Variants in VASH1 observed in about 807,000 individuals in gnomAD.
The protein encoded by VASH1 is tubulinyl-Tyr carboxypeptidase 1.
In VASH1, 16 loss-of-function variants were observed where a neutral mutation model predicts 35.0. The observed-to-expected ratio is 0.46, with a 90% CI of 0.31 to 0.70. The LOEUF (loss-of-function observed/expected upper bound fraction) is 0.70. Ranked by LOEUF, VASH1 falls within the 30% of genes least tolerant of loss-of-function variation. The pLI is 0.05. For synonymous variants in VASH1, 214 were observed against 200.9 expected (o/e 1.07, Z -0.55); for missense variants, 505 against 510.7 (o/e 0.99, Z 0.11).
chr14:76,770,804 A>G (rs1191423110), intron 2 of VASH1, among the ~76,000 whole-genome samples: 1 of 152,190 alleles, frequency 6.6e-6, no homozygotes, highest in African/African-American at 2.4e-5. Flanking sequence ...TGGTCCAGTG[A>G]GGCAGGTGGC....
chr14:76,762,988 G>T lies in VASH1; in HGVS notation c.167G>T (p.Gly56Val). The T allele has an allele frequency of 6.4e-7, 1 of 1,550,810 alleles. No homozygotes were observed. Among genetic ancestry groups the T allele is most frequent in the African/African-American group, 1.4e-5 (1 of 73,464 alleles). ...GAAGGGGAAGAGGACCTGCGAGACGGAGGCGTCCCCTTCTTTGTCAACCGG... is the reference window on the plus strand; with the variant it reads ...GAAGGGGAAGAGGACCTGCGAGACGTAGGCGTCCCCTTCTTTGTCAACCGG... ...EEEGEEDLRD[G>V]GVPFFVNRGG... The change falls in exon 1 of 7, where the codon GGA becomes GTA. Residue 56 changes from glycine to valine, a missense_variant. Coordinates refer to ENST00000167106, the MANE Select transcript of VASH1 (RefSeq NM_014909.5).
intron 1 of VASH1, among the ~76,000 whole-genome samples, chr14:76,767,232 GA>G (rs1393527512): frequency 6.9e-6 from 1 of 145,500 alleles, no homozygotes; most frequent in Non-Finnish European, 1.5e-5. Context: ...GCGACAGGGT[GA>G]AACTCTGTCT....
chr14:76,778,162 C>G, intron 6 of VASH1, 91 bp downstream of exon 6: 1 of 958,194 alleles, frequency 1.0e-6, no homozygotes, highest in Non-Finnish European at 1.4e-6. Flanking sequence ...TATCTCTCTC[C>G]CACCCTTCTC....
intron 1 of VASH1, among the ~76,000 whole-genome samples, chr14:76,768,040 G>A (rs1293251215): frequency 1.3e-5 from 2 of 152,210 alleles, no homozygotes; most frequent in Non-Finnish European, 2.9e-5. Flanking sequence ...GCTCCTCAAG[G>A]TCACTGGATC....
intron 3 of VASH1, among the ~76,000 whole-genome samples, chr14:76,772,213 C>G (rs1478409719): frequency 6.6e-6 from 1 of 152,128 alleles, no homozygotes; most frequent in African/African-American, 2.4e-5. Flanking sequence ...GCACTCCAGC[C>G]TGGGTGACAG....
At chr14:76,773,102 C>G in intron 3 of VASH1, 35 bp from the exon 4 acceptor site, 1 of 1,607,060 alleles carries the variant, frequency 6.2e-7, no homozygotes, top group Middle Eastern at 1.7e-4. Context: ...GGGCTGGAGG[C>G]GCTGTCCTTA....
chr14:76,774,109 G>T (rs1394405548), intron 4 of VASH1, among the ~76,000 whole-genome samples: 1 of 152,184 alleles, frequency 6.6e-6, no homozygotes, highest in Non-Finnish European at 1.5e-5. Context: ...CGGGGAGGGG[G>T]TCTGATGGAA....
Position 76,762,965 on chromosome 14 carries a change from A to C in VASH1, c.144A>C (p.Glu48Asp), listed in dbSNP as rs1213847618. 2 of 1,557,798 alleles carry C rather than the reference A, an allele frequency of 1.3e-6. No individual in the cohort carries two copies. Among genetic ancestry groups the C allele is most frequent in the Admixed American group, 3.9e-5 (2 of 50,968 alleles). The change falls in exon 1 of 7, where the codon GAA becomes GAC. Residue 48 changes from glutamate to aspartate, a missense_variant. Glu to Asp is a conservative substitution (Grantham distance 45). Transcript: ENST00000167106. Reference protein sequence around the residue: ...SAQRDEEPEEEGEEDLRDGGV... With the variant: ...SAQRDEEPEEDGEEDLRDGGV... ...AGAGAGATGAGGAGCCAGAAGAGGAAGGGGAAGAGGACCTGCGAGACGGAG... is the reference window on the plus strand; with the variant it reads ...AGAGAGATGAGGAGCCAGAAGAGGACGGGGAAGAGGACCTGCGAGACGGAG...
rs11334805 is a variant in VASH1, at chr14:76,773,635, T to TAAA, written c.530+436_530+438dup. 407 of 174,380 alleles carry TAAA rather than the reference T, an allele frequency of 2.3e-3. 1 individual carries two copies. The highest frequency in any genetic ancestry group is 9.6e-3 in the African/African-American group (390 of 40,642). The allele number at this position is 174,380 out of a possible 1,614,324, so 10.8% of individuals were successfully genotyped here. On this transcript the variant is annotated intron_variant, in intron 4 of 6. Transcript: ENST00000167106. ...ACGAGATATTAAAGCAAAACTGCCT[T>TAAA]AAAAAAAAAAAAAACCACAAACAAG... is the stretch of plus-strand genomic sequence containing the variant.
Position 76,778,021 on chromosome 14 carries a change from G to A in VASH1, c.975G>A (p.Pro325=), listed in dbSNP as rs181207818. The A allele has an allele frequency of 5.4e-5, 84 of 1,542,788 alleles. No individual in the cohort carries two copies. The highest frequency in any genetic ancestry group is 6.9e-5 in the African/African-American group (5 of 71,952). The part of the protein sequence containing the change: ...TKDRKKDVSS[P]QRAQSSPHRR... ...ACCGGAAGAAGGATGTTTCTTCCCC[G>A]CAGCGGGCCCAGTCCAGCCCCCACC... is the stretch of plus-strand genomic sequence containing the variant. The change falls in exon 6 of 7, where the codon CCG becomes CCA. Residue 325 remains proline (P), a synonymous_variant. Transcript: ENST00000167106.
At chr14:76,773,605 T>G (rs1185648294) in intron 4 of VASH1, 5 of 332,082 alleles carry the variant, frequency 1.5e-5, no homozygotes, top group African/African-American at 1.1e-4. Flanking sequence ...CATGTTGATT[T>G]CTGGACGAGA....
At chr14:76,767,109 G>C (rs1346773563) in intron 1 of VASH1, among the ~76,000 whole-genome samples, 1 of 152,032 alleles carries the variant, frequency 6.6e-6, no homozygotes, top group Non-Finnish European at 1.5e-5. Context: ...GCTGGATGTG[G>C]TGGTGCATGC....
Position 76,778,970 on chromosome 14 carries a change from C to T in VASH1, c.1050C>T (p.Ser350=), listed in dbSNP as rs775375911. 16 of 1,614,186 alleles carry T rather than the reference C, an allele frequency of 9.9e-6. No individual in the cohort carries two copies. In the East Asian group the frequency reaches 1.8e-4, roughly 18 times the overall value. ...GGCCCTCGGGTGACAAGAAGACTTCCGAGCCCAAAGCCATGCCAGACCTTA... is the reference window on the plus strand; with the variant it reads ...GGCCCTCGGGTGACAAGAAGACTTCTGAGCCCAAAGCCATGCCAGACCTTA... ...ERRPSGDKKT[S]EPKAMPDLNG... The change falls in exon 7 of 7, where the codon TCC becomes TCT. Residue 350 remains serine (S), a synonymous_variant. Coordinates refer to ENST00000167106, the MANE Select transcript of VASH1 (RefSeq NM_014909.5).
At position 76,779,846 on chromosome 14, in the gene VASH1, C is replaced by T. The variant is rs1255538718; in HGVS notation, c.*828C>T. On this transcript the variant is annotated 3_prime_UTR_variant, in exon 7 of 7. Transcript: ENST00000167106. ...CAGAATGGCACTGAGGCCAGCATGG[C>T]TGTGGGAGTTGAGCAAACCCTGGGT... 1.3e-5 allele frequency: 5 copies of T among 373,290 alleles called. No individual in the cohort carries two copies. Among genetic ancestry groups the T allele is most frequent in the Non-Finnish European group, 2.4e-5 (5 of 207,944 alleles). 23.1% of individuals were successfully genotyped at this position (373,290 alleles called of 1,614,324 possible). A position where few individuals can be genotyped will look rare whatever the true frequency, so the allele number is the denominator to read the frequency against.
In VASH1 at chr14:76,782,278, C is replaced by T. The variant is rs1894132657; in HGVS notation, c.*3260C>T. 6.6e-6 allele frequency: 1 copy of T among 152,338 alleles called. No homozygotes were observed. Among genetic ancestry groups the T allele is most frequent in the African/African-American group, 2.4e-5 (1 of 41,450 alleles). 9.4% of individuals were successfully genotyped at this position (152,338 alleles called of 1,614,324 possible). A position where few individuals can be genotyped will look rare whatever the true frequency, so the allele number is the denominator to read the frequency against. ...GGGCCAAGATGGGGACAGCAGCAGC[C>T]CTCTGGCCTTGGGATGTGATGATAA... On this transcript the variant is annotated 3_prime_UTR_variant, in exon 7 of 7. Transcript: ENST00000167106.
At chr14:76,767,772 G>T (rs1456555174) in intron 1 of VASH1, among the ~76,000 whole-genome samples, 1 of 152,238 alleles carries the variant, frequency 6.6e-6, no homozygotes, top group Non-Finnish European at 1.5e-5. Context: ...CTGCAGTGGG[G>T]TGACATGAGT....
intron 1 of VASH1, chr14:76,769,445 G>A: frequency 2.3e-6 from 3 of 1,289,128 alleles, no homozygotes; most frequent in Non-Finnish European, 3.0e-6. Context: ...TGCTCTGGAA[G>A]GCATGGCGAA....
chr14:76,777,244 TAG>T (rs2140188582), intron 5 of VASH1, among the ~76,000 whole-genome samples: 1 of 152,348 alleles, frequency 6.6e-6, no homozygotes, highest in South Asian at 2.1e-4. Flanking sequence ...AACCCTGCGT[TAG>T]AGAGGGGCTG....
At position 76,781,792 on chromosome 14, in the gene VASH1, C is replaced by A. The variant is rs929178828; in HGVS notation, c.*2774C>A. ...CTCATATGTAGCAACCCCTCCTCCC[C>A]TCCTGGGCATGTTTACACAGGCTCT... On this transcript the variant is annotated 3_prime_UTR_variant, in exon 7 of 7. Transcript: ENST00000167106. 1 of 152,904 alleles carries A rather than the reference C, an allele frequency of 6.5e-6. No individual in the cohort carries two copies. The highest frequency in any genetic ancestry group is 6.5e-5 in the Admixed American group (1 of 15,294). 9.5% of individuals were successfully genotyped at this position (152,904 alleles called of 1,614,324 possible).
Sources: allele counts gnomAD v4.1 joint callset (sites outside exome capture counted in the v4.1 genomes callset), GRCh38; gene constraint gnomAD v4.1.1; transcripts MANE v1.5; gene names NCBI Gene and HGNC (gene_info 2026-07-23, HGNC 2026-07-21).